SNRPN: variants seen among roughly 807,000 people sequenced by gnomAD.
SNRPN encodes the protein small nuclear ribonucleoprotein polypeptide N, also known as small nuclear ribonucleoprotein-associated protein N.
Under a neutral mutation model 25.2 loss-of-function variants are expected in SNRPN, and 7 were observed. That is an observed-to-expected ratio of 0.28 (90% CI 0.16 to 0.52). The LOEUF is 0.52. SNRPN is among the 20% of genes least tolerant of loss of function. SNRPN has a pLI of 0.96. For synonymous variants in SNRPN, 124 were observed against 110.6 expected (o/e 1.12, Z -0.76); for missense variants, 196 against 322.5 (o/e 0.61, Z 3.00).
intron 1 of SNRPN, among the ~76,000 whole-genome samples, chr15:24,828,644 T>A (rs1259786297): frequency 6.6e-6 from 1 of 152,058 alleles, no homozygotes; most frequent in Non-Finnish European, 1.5e-5. Context: ...AGCCCAGGAA[T>A]TGGAGGCTGC....
At chr15:24,974,596 G>C in intron 4 of SNRPN, 140 bp downstream of exon 4, 1 of 835,798 alleles carries the variant, frequency 1.2e-6, no homozygotes. Context: ...ATTGCATTGA[G>C]TATCAGCTGA....
upstream of SNRPN, among the ~76,000 whole-genome samples, chr15:24,951,548 C>T (rs2062277106): frequency 6.7e-6 from 1 of 149,528 alleles, no homozygotes; most frequent in South Asian, 2.1e-4. Flanking sequence ...CACTCTATTA[C>T]CCAGGCTAGA....
At chr15:24,949,060 C>T (rs1214082831) in intron 3 of SNRPN, among the ~76,000 whole-genome samples, 2 of 120,194 alleles carry the variant, frequency 1.7e-5, no homozygotes, top group Non-Finnish European at 3.3e-5. Flanking sequence ...CTCACTCTCT[C>T]ACCTAGGCTG....
intron 1 of SNRPN, among the ~76,000 whole-genome samples, chr15:24,865,817 A>T (rs1373699993): frequency 6.6e-6 from 1 of 152,086 alleles, no homozygotes; most frequent in Admixed American, 6.6e-5. Flanking sequence ...TGTTGTGTCT[A>T]AACTGCAAAA....
intron 2 of SNRPN, among the ~76,000 whole-genome samples, chr15:24,911,894 G>A (rs1350464761): frequency 6.6e-6 from 1 of 152,218 alleles, no homozygotes; most frequent in Admixed American, 6.5e-5. Flanking sequence ...AGATCCGGTA[G>A]TGCGTATTCC....
chr15:24,931,551 T>G (rs1040378485), intron 3 of SNRPN, among the ~76,000 whole-genome samples: 3 of 151,342 alleles, frequency 2.0e-5, no homozygotes, highest in Non-Finnish European at 4.4e-5. Flanking sequence ...CATCAAGACC[T>G]AGGCTGGGCG....
intron 3 of SNRPN, among the ~76,000 whole-genome samples, chr15:24,931,561 G>A (rs993425801): frequency 2.6e-5 from 4 of 151,756 alleles, no homozygotes; most frequent in South Asian, 2.1e-4. Context: ...TAGGCTGGGC[G>A]GGGTGCCACA....
At chr15:24,955,827 C>A (rs1357153878) in intron 1 of SNRPN, among the ~76,000 whole-genome samples, 1 of 150,508 alleles carries the variant, frequency 6.6e-6, no homozygotes, top group Admixed American at 6.6e-5. Context: ...CGGCGGTAGG[C>A]ATGGCGGCGG....
chr15:24,901,751 T>C (rs1290617213), intron 2 of SNRPN, among the ~76,000 whole-genome samples: 2 of 152,062 alleles, frequency 1.3e-5, no homozygotes, highest in Non-Finnish European at 2.9e-5. Context: ...TGAAGTAAAA[T>C]AATGACTAAG....
chr15:24,931,607 G>A (rs369876499), intron 3 of SNRPN, among the ~76,000 whole-genome samples: 180 of 151,628 alleles, frequency 1.2e-3, no homozygotes, highest in Non-Finnish European at 2.1e-3. Flanking sequence ...GTGGAGGGGC[G>A]GGGGGTGAAT....
intron 3 of SNRPN, chr15:24,968,375 A>C (rs2075958573): frequency 9.7e-6 from 2 of 207,236 alleles, no homozygotes; most frequent in Admixed American, 5.4e-5. Context: ...ATACCCTGTT[A>C]CTGAATGTTT....
In SNRPN at chr15:24,828,120, A is replaced by G. The variant is rs562935948; in HGVS notation, c.-686-1678A>G. ...ACATAAAATTTAACACAATATTGAG[A>G]TTAACTCATAAATGAAATTATAAAA... On this transcript the variant is annotated intron_variant, in intron 1 of 12. Coordinates refer to the SNRPN transcript ENST00000400100. 2.8e-4 allele frequency among the ~76,000 whole-genome samples: 42 copies of G among 152,126 alleles called. 1 individual carries two copies. Among genetic ancestry groups the G allele is most frequent in the Non-Finnish European group, 5.6e-4 (38 of 68,046 alleles).
At chr15:24,977,371 GGCTTAC>G (rs2077181295) in intron 7 of SNRPN, among the ~76,000 whole-genome samples, 1 of 152,102 alleles carries the variant, frequency 6.6e-6, no homozygotes, top group African/African-American at 2.4e-5. Context: ...CGGGTGCAGT[GGCTTAC>G]GCCTGTAATC....
intron 2 of SNRPN, among the ~76,000 whole-genome samples, chr15:24,918,072 T>A (rs1429524548): frequency 6.6e-6 from 1 of 151,930 alleles, no homozygotes; most frequent in Non-Finnish European, 1.5e-5. Context: ...TATTTTTCAG[T>A]AAGTTTGAGG....
At chr15:24,887,112 A>G (rs2057263649) in intron 2 of SNRPN, among the ~76,000 whole-genome samples, 1 of 149,562 alleles carries the variant, frequency 6.7e-6, no homozygotes, top group African/African-American at 2.5e-5. Flanking sequence ...TTCCGGTCCT[A>G]TAGAAATATA....
At chr15:24,854,043 A>G (rs1223520422), upstream of SNRPN, among the ~76,000 whole-genome samples, 4 of 152,166 alleles carry the variant, frequency 2.6e-5, no homozygotes, top group African/African-American at 9.7e-5. Context: ...ATATGCAAAC[A>G]TGGATCTTTA....
At chr15:24,932,389 C>A (rs1419767660) in intron 3 of SNRPN, among the ~76,000 whole-genome samples, 2 of 151,988 alleles carry the variant, frequency 1.3e-5, no homozygotes, top group Non-Finnish European at 1.5e-5. Flanking sequence ...TGCTCGCCAC[C>A]ACGACTGGCC....
At chr15:24,890,971 C>A (rs1333961812) in intron 2 of SNRPN, among the ~76,000 whole-genome samples, 1 of 152,046 alleles carries the variant, frequency 6.6e-6, no homozygotes, top group Non-Finnish European at 1.5e-5. Context: ...AGTGCAGTGT[C>A]ATGATCTCAG....
chr15:24,945,781 A>G (rs1442260462), intron 3 of SNRPN, among the ~76,000 whole-genome samples: 1 of 152,092 alleles, frequency 6.6e-6, no homozygotes, highest in Admixed American at 6.6e-5. Context: ...GAAGGTTGCT[A>G]TTAGTCTAGT....
Sources: gnomAD v4.1 joint callset for allele counts (sites outside exome capture counted in the v4.1 genomes callset) on GRCh38, gnomAD v4.1.1 for gene constraint, MANE v1.5 for transcripts, NCBI Gene and HGNC (gene_info 2026-07-23, HGNC 2026-07-21) for gene names.